The following BMPR2 variants were observed in gnomAD, a reference collection of about 807,000 sequenced individuals.
BMPR2 encodes the protein bone morphogenetic protein receptor type-2.
BMPR2 carries 29 observed loss-of-function variants against 100.8 expected under a neutral mutation model. That is an observed-to-expected ratio of 0.29 (90% confidence interval 0.21 to 0.39). BMPR2 has a LOEUF of 0.39. Among genes scored for constraint, BMPR2 ranks in the 10% least tolerant of loss-of-function variants. The probability of loss-of-function intolerance (pLI) is 1.00; values close to 1 mark genes in which losing one functional copy is unlikely to be tolerated. For missense variants in BMPR2, 1,011 were observed against 1,274.5 expected (o/e 0.79, Z 3.15); for synonymous variants, 382 against 442.3 (o/e 0.86, Z 1.71).
At chr2:202,470,395 C>T (rs1692412118) in intron 3 of BMPR2, among the ~76,000 whole-genome samples, 1 of 151,984 alleles carries the variant, frequency 6.6e-6, no homozygotes, top group Non-Finnish European at 1.5e-5. Context: ...AATGATTTAT[C>T]CCAAGACTGG....
At chr2:202,421,846 C>T (rs1305147330) in intron 1 of BMPR2, among the ~76,000 whole-genome samples, 1 of 151,840 alleles carries the variant, frequency 6.6e-6, no homozygotes, top group Non-Finnish European at 1.5e-5. Flanking sequence ...AGCAGGAGTA[C>T]TCAAGAAATT....
rs1260659283 is a variant in BMPR2, at chr2:202,431,302, C to T, written c.77-33507C>T. On this transcript the variant is annotated intron_variant, in intron 1 of 12. Coordinates refer to ENST00000374580, the MANE Select transcript of BMPR2 (RefSeq NM_001204.7). ...TCTGGATGATGTTAAAAATAAGACA[C>T]ATGTTTTTCAAGGTATTCTGTTGCT... Among the ~76,000 whole-genome samples the T allele has an allele frequency of 4.0e-5, 6 of 150,484 alleles. 1 individual carries two copies. The highest frequency in any genetic ancestry group is 7.5e-5 in the African/African-American group (3 of 39,880).
At chr2:202,470,786 AAAAG>A (rs1476590511) in intron 3 of BMPR2, among the ~76,000 whole-genome samples, 25 of 151,282 alleles carry the variant, frequency 1.7e-4, no homozygotes, top group South Asian at 8.3e-4. Context: ...AAAAAAAAAA[AAAAG>A]AAAGTAAGGA....
chr2:202,486,161 TAAGA>T (rs1396080964), intron 3 of BMPR2, among the ~76,000 whole-genome samples: 6 of 152,034 alleles, frequency 3.9e-5, no homozygotes, highest in Non-Finnish European at 8.8e-5. Flanking sequence ...ATGCTTGTCT[TAAGA>T]AAGAAAGGAT....
chr2:202,555,802 C>A lies in BMPR2; in HGVS notation c.2137C>A (p.Leu713Ile), dbSNP rs1394796848. 1.2e-6 allele frequency: 2 copies of A among 1,614,026 alleles called. No individual in the cohort carries two copies. The highest frequency in any genetic ancestry group is 2.7e-5 in the African/African-American group (2 of 74,912). The change falls in exon 12 of 13, where the codon CTT (leucine) becomes ATT (isoleucine). Residue 713 changes from leucine to isoleucine, a missense_variant. Physicochemically the swap from Leu to Ile is conservative, Grantham distance 5. Coordinates refer to ENST00000374580, the MANE Select transcript of BMPR2 (RefSeq NM_001204.7). ...SSSLLYPLIK[L>I]AVEATGQQDF... ...TAGCTTGCTTTACCCACTCATAAAA[C>A]TTGCAGTAGAAGCAACTGGACAGCA...
At position 202,527,099 on chromosome 2, in the gene BMPR2, GGTGATCCACCTGCCTCGACC is replaced by G. The variant is rs747993841; in HGVS notation, c.968-3694_968-3675del. ...GGGTGGTCTCAAACTCCTGACCTCA[GGTGATCCACCTGCCTCGACC>G]TCCAAAAGAGCTGGGATTACAGGCA... On this transcript the variant is annotated intron_variant, in intron 7 of 12. Coordinates refer to ENST00000374580, the MANE Select transcript of BMPR2 (RefSeq NM_001204.7). 4.9e-4 allele frequency among the ~76,000 whole-genome samples: 74 copies of G among 152,130 alleles called. 1 individual carries two copies. The highest frequency in any genetic ancestry group is 9.0e-4 in the Non-Finnish European group (61 of 68,006).
intron 1 of BMPR2, among the ~76,000 whole-genome samples, chr2:202,402,428 A>T (rs1690784060): frequency 6.6e-6 from 1 of 152,104 alleles, no homozygotes; most frequent in Non-Finnish European, 1.5e-5. Flanking sequence ...GAGGCAGGAG[A>T]ATCGCTTGAA....
intron 7 of BMPR2, among the ~76,000 whole-genome samples, chr2:202,524,254 C>T (rs531975077): frequency 6.6e-6 from 1 of 151,146 alleles, no homozygotes; most frequent in South Asian, 2.1e-4. Flanking sequence ...CCCAGCTACT[C>T]GCGAGGCTGA....
intron 1 of BMPR2, among the ~76,000 whole-genome samples, chr2:202,430,211 A>G (rs1263272217): frequency 6.6e-6 from 1 of 152,098 alleles, no homozygotes; most frequent in East Asian, 1.9e-4. Context: ...TTAGTACCTA[A>G]AAGCCCTATC....
chr2:202,522,689 G>C (rs1687839785), intron 7 of BMPR2, among the ~76,000 whole-genome samples: 1 of 151,862 alleles, frequency 6.6e-6, no homozygotes. Context: ...TAATCAGCTG[G>C]AGGTGGTGGC....
intron 1 of BMPR2, among the ~76,000 whole-genome samples, chr2:202,381,539 G>A (rs1185940809): frequency 6.6e-6 from 1 of 152,170 alleles, no homozygotes. Flanking sequence ...CATATGGCTA[G>A]GCTAAGCTCA....
chr2:202,471,972 G>T (rs989772778), intron 3 of BMPR2, among the ~76,000 whole-genome samples: 3 of 151,878 alleles, frequency 2.0e-5, no homozygotes, highest in East Asian at 3.9e-4. Context: ...CAGTAAAATG[G>T]TATCAGTAGG....
intron 5 of BMPR2, among the ~76,000 whole-genome samples, chr2:202,515,494 C>T (rs1687695996): frequency 1.3e-5 from 2 of 151,594 alleles, no homozygotes; most frequent in African/African-American, 2.4e-5. Context: ...TTGCTTGAAC[C>T]CGGGAGGCAG....
intron 5 of BMPR2, among the ~76,000 whole-genome samples, chr2:202,517,173 C>A (rs536761670): frequency 7.3e-5 from 11 of 151,014 alleles, no homozygotes; most frequent in Admixed American, 6.6e-4. Flanking sequence ...TGAGCTGAGA[C>A]CGTGCCACTG....
chr2:202,428,419 G>T (rs1691437073), intron 1 of BMPR2, among the ~76,000 whole-genome samples: 1 of 149,676 alleles, frequency 6.7e-6, no homozygotes, highest in African/African-American at 2.5e-5. Context: ...TTTTTTTTAA[G>T]AGACGGGCTT....
intron 1 of BMPR2, among the ~76,000 whole-genome samples, chr2:202,393,178 T>C (rs1423951148): frequency 6.6e-6 from 1 of 152,220 alleles, no homozygotes; most frequent in Non-Finnish European, 1.5e-5. Flanking sequence ...TGGAATTCTT[T>C]GTCACCCTAG....
At chr2:202,401,047 G>A (rs1022328478) in intron 1 of BMPR2, among the ~76,000 whole-genome samples, 2 of 152,166 alleles carry the variant, frequency 1.3e-5, no homozygotes, top group Non-Finnish European at 2.9e-5. Context: ...GGCATAAAAT[G>A]GAAAGAATAT....
At position 202,377,558 on chromosome 2, in the gene BMPR2, G is replaced by C. The variant is rs768095940; in HGVS notation, c.76+8G>C. The C allele has an allele frequency of 3.1e-6, 5 of 1,613,814 alleles. No homozygotes were observed. In the Admixed American group the frequency reaches 5.0e-5, roughly 16 times the overall value. Reference sequence around the variant, plus strand: ...TGGTCAGCACTGCGGCTGGTGAGTAGCTCCGGCCGGCACGTCCCGGCCACT... The same window carrying C: ...TGGTCAGCACTGCGGCTGGTGAGTACCTCCGGCCGGCACGTCCCGGCCACT... On this transcript the variant is annotated splice_region_variant and intron_variant, in intron 1 of 12. Transcript: ENST00000374580.
chr2:202,460,966 T>G (rs1692214023), intron 1 of BMPR2, among the ~76,000 whole-genome samples: 1 of 151,972 alleles, frequency 6.6e-6, no homozygotes, highest in Admixed American at 6.6e-5. Flanking sequence ...TCCATCTGCC[T>G]CAGCCTCCCA....
Sources: allele counts gnomAD v4.1 joint callset (sites outside exome capture counted in the v4.1 genomes callset), GRCh38; gene constraint gnomAD v4.1.1; transcripts MANE v1.5; gene names NCBI Gene and HGNC (gene_info 2026-07-23, HGNC 2026-07-21).